BCAS3: variants seen among roughly 807,000 people sequenced by gnomAD.
The protein encoded by BCAS3 is BCAS4/BCAS3 fusion.
In BCAS3, 53 loss-of-function variants were observed where a neutral mutation model predicts 116.1. The observed-to-expected ratio is 0.46, with a 90% CI of 0.37 to 0.57. The LOEUF (loss-of-function observed/expected upper bound fraction) is 0.57, where lower values mean the gene tolerates loss of function less well. BCAS3 is among the 20% of genes least tolerant of loss of function. The probability of loss-of-function intolerance (pLI) is 0.00; values close to 1 mark genes in which losing one functional copy is unlikely to be tolerated. For synonymous variants in BCAS3, 391 were observed against 408.2 expected, an observed-to-expected ratio of 0.96 and a Z score of 0.51; for missense variants, 917 against 1,165.4, an observed-to-expected ratio of 0.79 and a Z score of 3.10.
chr17:61,392,258 C>G lies in BCAS3; in HGVS notation c.*133C>G. ...CTTCCCCAAGCTTAGTGACAGCAGC[C>G]GCCCATCCTACCTGGATGGAGAAGA... On this transcript the variant is annotated 3_prime_UTR_variant, in exon 24 of 24. Coordinates refer to ENST00000407086, the MANE Select transcript of BCAS3 (RefSeq NM_017679.5). This position sits in a 1 kb window ranked among gnomAD's most constrained non-coding sequence, Gnocchi z 6.4. 9.0e-7 allele frequency: 1 copy of G among 1,114,010 alleles called. No homozygotes were observed. Among genetic ancestry groups the G allele is most frequent in the South Asian group, 1.6e-5 (1 of 62,888 alleles). The allele number at this position is 1,114,010 out of a possible 1,614,324, so 69.0% of individuals were successfully genotyped here.
chr17:60,931,274 T>TTTTTTA (rs1460218584), intron 13 of BCAS3, among the ~76,000 whole-genome samples: 3 of 152,262 alleles, frequency 2.0e-5, no homozygotes, highest in Non-Finnish European at 4.4e-5. Context: ...ATAAACTTTA[T>TTTTTTA]TTTTTATTTT....
chr17:61,046,634 G>A (rs1396936141), intron 19 of BCAS3, among the ~76,000 whole-genome samples: 4 of 151,842 alleles, frequency 2.6e-5, no homozygotes, highest in East Asian at 1.9e-4. Context: ...AGACATGTTC[G>A]GTAGAGACGC....
Position 61,346,296 on chromosome 17 carries a change from T to C in BCAS3, c.2426-22031T>C, listed in dbSNP as rs1037195708. ...TCCTTTGGAGAAGAAGTACTTCCTT[T>C]TATTGTCAGGTCATTTTAGCATGAT... On this transcript the variant is annotated intron_variant, in intron 22 of 23. Coordinates refer to ENST00000407086, the MANE Select transcript of BCAS3 (RefSeq NM_017679.5). This position sits in a 1 kb window ranked among gnomAD's most constrained non-coding sequence, Gnocchi z 5.4. Among the ~76,000 whole-genome samples the C allele has an allele frequency of 6.6e-6, 1 of 152,228 alleles. No individual in the cohort carries two copies. The highest frequency in any genetic ancestry group is 1.9e-4 in the East Asian group (1 of 5,198).
intron 5 of BCAS3, among the ~76,000 whole-genome samples, chr17:60,733,214 T>C (rs1328826123): frequency 6.6e-6 from 1 of 152,234 alleles, no homozygotes; most frequent in African/African-American, 2.4e-5. Flanking sequence ...AGTAAATTTG[T>C]ATAGCTAATA....
rs952539211 is a variant in BCAS3, at chr17:61,234,748, G to A, written c.2426-133579G>A. Among the ~76,000 whole-genome samples the A allele has an allele frequency of 3.5e-5, 5 of 142,554 alleles. No homozygotes were observed. In the Admixed American group the frequency reaches 3.6e-4, roughly 10 times the overall value. The allele number at this position is 142,554 out of a possible 152,430, so 93.5% of individuals were successfully genotyped here. A position where few individuals can be genotyped will look rare whatever the true frequency, so the allele number is the denominator to read the frequency against. ...CCAGCCAGCAGTCTTCCCACTGACTGTTAGAACTATACCCTCTGGCTCAGG... is the reference window on the plus strand; with the variant it reads ...CCAGCCAGCAGTCTTCCCACTGACTATTAGAACTATACCCTCTGGCTCAGG... On this transcript the variant is annotated intron_variant, in intron 22 of 23. Coordinates refer to ENST00000407086, the MANE Select transcript of BCAS3 (RefSeq NM_017679.5).
At chr17:60,709,780 A>AT (rs1464231241) in intron 5 of BCAS3, among the ~76,000 whole-genome samples, 6 of 152,324 alleles carry the variant, frequency 3.9e-5, no homozygotes, top group Admixed American at 6.5e-5. Context: ...TATGTTTTAC[A>AT]TTGCATAATA....
At chr17:61,148,539 T>C (rs2077370209) in intron 22 of BCAS3, among the ~76,000 whole-genome samples, 1 of 152,330 alleles carries the variant, frequency 6.6e-6, no homozygotes, top group South Asian at 2.1e-4. Context: ...TCCCAGACTT[T>C]CCATTTAGTC....
intron 20 of BCAS3, among the ~76,000 whole-genome samples, chr17:61,076,574 A>G (rs2072011105): frequency 6.6e-6 from 1 of 152,226 alleles, no homozygotes; most frequent in Non-Finnish European, 1.5e-5. Context: ...CAGAGAAACC[A>G]CTGTCCTTCA....
chr17:61,380,598 G>A lies in BCAS3; in HGVS notation c.2594-11379G>A. On this transcript the variant is annotated intron_variant, in intron 23 of 23. Transcript: ENST00000407086. This position sits in a 1 kb window ranked among gnomAD's most constrained non-coding sequence, Gnocchi z 4.2. ...TATGTAACGTCCTATCTTTGCCTAT[G>A]TGGAAGGGGTTGTCCCGTTGCTTCT... The A allele has an allele frequency of 1.3e-6, 2 of 1,588,640 alleles. No homozygotes were observed. The highest frequency in any genetic ancestry group is 1.7e-6 in the Non-Finnish European group (2 of 1,171,320).
chr17:60,949,166 C>T (rs895387314), intron 14 of BCAS3, among the ~76,000 whole-genome samples: 4 of 152,106 alleles, frequency 2.6e-5, no homozygotes, highest in Admixed American at 1.3e-4. Flanking sequence ...TGAGCCACCG[C>T]GCCCAGCCTC....
chr17:61,234,783 G>GAA (rs71148395), intron 22 of BCAS3, among the ~76,000 whole-genome samples: 136 of 143,172 alleles, frequency 9.5e-4, no homozygotes, highest in African/African-American at 3.4e-3. Flanking sequence ...GCTTTTTCCA[G>GAA]AAAAAAAAAA....
intron 22 of BCAS3, among the ~76,000 whole-genome samples, chr17:61,160,391 T>C (rs950247302): frequency 4.6e-5 from 7 of 152,132 alleles, no homozygotes; most frequent in African/African-American, 1.7e-4. Flanking sequence ...ATGGTTAATA[T>C]ACGGAATTTC....
At chr17:60,699,878 A>AG (rs1451078339) in intron 4 of BCAS3, among the ~76,000 whole-genome samples, 1 of 151,804 alleles carries the variant, frequency 6.6e-6, no homozygotes, top group Non-Finnish European at 1.5e-5. Context: ...AAAAAAAAAA[A>AG]AAAGAGCAGT....
chr17:60,756,569 TCCA>T (rs1301376513), intron 6 of BCAS3, among the ~76,000 whole-genome samples: 7 of 152,204 alleles, frequency 4.6e-5, no homozygotes, highest in Non-Finnish European at 8.8e-5. Flanking sequence ...CATAATTAGC[TCCA>T]GTTCCATCCC....
At chr17:60,884,654 C>T (rs1380668414) in intron 9 of BCAS3, among the ~76,000 whole-genome samples, 5 of 141,362 alleles carry the variant, frequency 3.5e-5, no homozygotes, top group African/African-American at 5.5e-5. Context: ...TCTTTGTTCT[C>T]GTTGGTTTCA....
intron 5 of BCAS3, among the ~76,000 whole-genome samples, chr17:60,737,529 C>T (rs1445346340): frequency 2.6e-5 from 4 of 151,986 alleles, no homozygotes; most frequent in Non-Finnish European, 4.4e-5. Context: ...TATATTCAGT[C>T]AGTGCTACAG....
At chr17:61,322,830 C>CAGAGAGAGAGAGAGAGAGAGAGACAG (rs2055373183) in intron 22 of BCAS3, among the ~76,000 whole-genome samples, 1 of 75,434 alleles carries the variant, frequency 1.3e-5, no homozygotes, top group Non-Finnish European at 2.8e-5. Context: ...GAGAGAGAGA[C>CAGAGAGAGAGAGAGAGAGAGAGACAG]AGAGAGAGAG....
intron 7 of BCAS3, among the ~76,000 whole-genome samples, chr17:60,820,208 C>T (rs1250215714): frequency 6.6e-6 from 1 of 152,112 alleles, no homozygotes; most frequent in Non-Finnish European, 1.5e-5. Context: ...GCTGGGACTA[C>T]AGGCACCCGC....
At chr17:60,816,038 C>T (rs975052870) in intron 7 of BCAS3, among the ~76,000 whole-genome samples, 1 of 152,064 alleles carries the variant, frequency 6.6e-6, no homozygotes, top group Non-Finnish European at 1.5e-5. Context: ...ATGTACTGTA[C>T]CTGGGTATTT....
Sources: allele counts gnomAD v4.1 joint callset (sites outside exome capture counted in the v4.1 genomes callset), GRCh38; gene constraint gnomAD v4.1.1; non-coding constraint Gnocchi (gnomAD v3.1); transcripts MANE v1.5; gene names NCBI Gene and HGNC (gene_info 2026-07-23, HGNC 2026-07-21).